The following SIN3A variants were observed in gnomAD, a reference collection of about 807,000 sequenced individuals.
SIN3A encodes the protein SIN3 transcription regulator family member A, also known as paired amphipathic helix protein Sin3a.
SIN3A carries 14 observed loss-of-function variants against 146.1 expected under a neutral mutation model. That is an observed-to-expected ratio of 0.10 (90% confidence interval 0.06 to 0.15). The LOEUF (loss-of-function observed/expected upper bound fraction) is 0.15, where lower values mean the gene tolerates loss of function less well. SIN3A is among the 10% of genes least tolerant of loss of function. The pLI, the probability that SIN3A is intolerant of heterozygous loss-of-function variation, is 1.00. For missense variants in SIN3A, 1,028 were observed against 1,576.0 expected (o/e 0.65, Z 5.89); for synonymous variants, 572 against 572.0 (o/e 1.00, Z 0.00).
intron 1 of SIN3A, among the ~76,000 whole-genome samples, chr15:75,433,101 G>A (rs1015050915): frequency 1.5e-4 from 23 of 152,058 alleles, no homozygotes; most frequent in African/African-American, 2.7e-4. Flanking sequence ...TGAAGAGCAC[G>A]GCACGACTAT....
rs2072756439 is a variant in SIN3A at position 75,371,817 on chromosome 15, T to C, written c.*162A>G. 4.8e-6 allele frequency: 3 copies of C among 628,886 alleles called. No homozygotes were observed. Among genetic ancestry groups the C allele is most frequent in the Non-Finnish European group, 8.4e-6 (3 of 356,032 alleles). 39.0% of individuals were successfully genotyped at this position (628,886 alleles called of 1,614,324 possible). A position where few individuals can be genotyped will look rare whatever the true frequency, so the allele number is the denominator to read the frequency against. The stretch of plus-strand genomic sequence containing the variant: ...TTCATGTTCCTAACAGGTAGCCCAC[T>C]TGGTGCCAGGCTGCACCAGCCACAC... On this transcript the variant is annotated 3_prime_UTR_variant, in exon 21 of 21. Transcript: ENST00000394947.
chr15:75,416,023 CAT>C (rs375872481), intron 3 of SIN3A: 108 of 323,416 alleles, frequency 3.3e-4, no homozygotes, highest in African/African-American at 1.1e-3. Flanking sequence ...CCAAGTGAAA[CAT>C]GTGCATTTTT....
In SIN3A at chr15:75,401,837, C is replaced by G; in HGVS notation, c.1526+15G>C. ...CCATATCATGCATCAGGGCTAAGCC[C>G]CTCACTTCACTTACCCCAGGAAAGG... On this transcript the variant is annotated intron_variant, in intron 10 of 20. Transcript: ENST00000394947. 6.8e-7 allele frequency: 1 copy of G among 1,463,266 alleles called. No individual in the cohort carries two copies. Among genetic ancestry groups the G allele is most frequent in the Non-Finnish European group, 9.6e-7 (1 of 1,042,816 alleles). The allele number at this position is 1,463,266 out of a possible 1,614,324, so 90.6% of individuals were successfully genotyped here. A position where few individuals can be genotyped will look rare whatever the true frequency, so the allele number is the denominator to read the frequency against.
At chr15:75,401,998 G>C in intron 9 of SIN3A, 28 bp from the exon 10 acceptor site, 1 of 1,445,998 alleles carries the variant, frequency 6.9e-7, no homozygotes, top group Non-Finnish European at 9.7e-7. Flanking sequence ...AAGAAAAACA[G>C]TTTTTGTTTT....
intron 3 of SIN3A, among the ~76,000 whole-genome samples, chr15:75,414,524 G>A (rs915858271): frequency 6.6e-6 from 1 of 152,088 alleles, no homozygotes; most frequent in African/African-American, 2.4e-5. Context: ...CCTTGCCTTG[G>A]AAAATTTTGA....
chr15:75,414,694 G>A (rs1017091336), intron 3 of SIN3A, among the ~76,000 whole-genome samples: 5 of 152,288 alleles, frequency 3.3e-5, no homozygotes, highest in African/African-American at 1.2e-4. Context: ...TTTGTATGTA[G>A]TCAGGAATCA....
intron 2 of SIN3A, among the ~76,000 whole-genome samples, chr15:75,423,707 T>C (rs1401469031): frequency 6.6e-6 from 1 of 151,494 alleles, no homozygotes; most frequent in Non-Finnish European, 1.5e-5. Flanking sequence ...AATATATATA[T>C]AGTTTAGCTG....
At chr15:75,438,853 A>G (rs1290962434) in intron 1 of SIN3A, among the ~76,000 whole-genome samples, 2 of 152,246 alleles carry the variant, frequency 1.3e-5, no homozygotes, top group East Asian at 1.9e-4. Flanking sequence ...GTATTAAGTC[A>G]ATGTAAACTT....
chr15:75,421,330 A>G (rs1404281097), intron 3 of SIN3A: 1 of 152,200 alleles, frequency 6.6e-6, no homozygotes, highest in Non-Finnish European at 1.5e-5. Flanking sequence ...CCTTATACAC[A>G]TTTTCCCAAA....
intron 9 of SIN3A, among the ~76,000 whole-genome samples, chr15:75,405,147 A>T (rs1595903116): frequency 6.6e-6 from 1 of 151,348 alleles, no homozygotes; most frequent in Non-Finnish European, 1.5e-5. Context: ...AGGGCTGATC[A>T]CCCGAGGTCA....
chr15:75,410,909 A>G (rs2073625493), intron 6 of SIN3A, among the ~76,000 whole-genome samples: 1 of 149,044 alleles, frequency 6.7e-6, no homozygotes, highest in South Asian at 2.1e-4. Context: ...CGGGAGGTAG[A>G]GGCTGCAGTG....
chr15:75,441,097 G>A lies in SIN3A; in HGVS notation c.-34+10326C>T, dbSNP rs564797806. ...CCAAGTCGGGTAGATCACGTGAGGT[G>A]AGGAGCTCAAGACCAGCCTAGCCAA... On this transcript the variant is annotated intron_variant, in intron 1 of 20. Transcript: ENST00000394947. 2.6e-5 allele frequency among the ~76,000 whole-genome samples: 4 copies of A among 151,930 alleles called. No homozygotes were observed. In the East Asian group the frequency reaches 7.7e-4, roughly 29 times the overall value.
At chr15:75,390,854 G>A (rs181252728) in intron 15 of SIN3A, among the ~76,000 whole-genome samples, 7 of 152,284 alleles carry the variant, frequency 4.6e-5, no homozygotes, top group Non-Finnish European at 8.8e-5. Flanking sequence ...GGGATTACAG[G>A]TGTAAGCCAC....
chr15:75,455,366 C>T (rs2074474720), upstream of SIN3A, among the ~76,000 whole-genome samples: 1 of 152,298 alleles, frequency 6.6e-6, no homozygotes, highest in South Asian at 2.1e-4. Flanking sequence ...AGTCGGTGTG[C>T]GGAATCCCCC....
intron 3 of SIN3A, chr15:75,420,289 T>A (rs528242984): frequency 6.6e-6 from 1 of 152,212 alleles, no homozygotes; most frequent in East Asian, 1.9e-4. Flanking sequence ...AATCCCTTCT[T>A]GTCACCACCA....
intron 7 of SIN3A, 69 bp from the exon 8 acceptor site, chr15:75,410,060 C>G (rs1216322477): frequency 6.2e-7 from 1 of 1,602,366 alleles, no homozygotes; most frequent in Non-Finnish European, 8.5e-7. Context: ...GGAAAAGTCC[C>G]CTTCTGAGCA....
chr15:75,372,056 AGGT>A lies in SIN3A; in HGVS notation c.3742_3744del (p.Thr1248del). ...ACAAAATGCAGGGTCTCTGTATCACAGGTGGTGGTACAGGGCACCAGGCCCTCC... is the reference window on the plus strand; with the variant it reads ...ACAAAATGCAGGGTCTCTGTATCACAGGTGGTACAGGGCACCAGGCCCTCC... On this transcript the variant is annotated inframe_deletion, in exon 21 of 21. Transcript: ENST00000394947. The A allele has an allele frequency of 6.2e-7, 1 of 1,614,206 alleles. No homozygotes were observed. Among genetic ancestry groups the A allele is most frequent in the Non-Finnish European group, 8.5e-7 (1 of 1,180,036 alleles).
rs961637509 is a variant in SIN3A at position 75,439,661 on chromosome 15, C to T, written c.-33-9253G>A. On this transcript the variant is annotated intron_variant, in intron 1 of 20. Transcript: ENST00000394947. Reference sequence around the variant, plus strand: ...CACCCGGCCATCAATGCTTCTTTTACGGCATATGATACACCTTTAACCCGC... The same window carrying T: ...CACCCGGCCATCAATGCTTCTTTTATGGCATATGATACACCTTTAACCCGC... Among the ~76,000 whole-genome samples the T allele has an allele frequency of 3.8e-4, 57 of 151,804 alleles. 3 individuals are homozygous for T. The highest frequency in any genetic ancestry group is 3.4e-3 in the Admixed American group (52 of 15,214).
intron 1 of SIN3A, among the ~76,000 whole-genome samples, chr15:75,431,090 T>G (rs980346330): frequency 6.6e-6 from 1 of 152,224 alleles, no homozygotes; most frequent in Non-Finnish European, 1.5e-5. Context: ...GTGCTTCTTC[T>G]TAAATCCTCT....
Sources: allele counts gnomAD v4.1 joint callset (sites outside exome capture counted in the v4.1 genomes callset), GRCh38; gene constraint gnomAD v4.1.1; transcripts MANE v1.5; gene names NCBI Gene and HGNC (gene_info 2026-07-23, HGNC 2026-07-21).